Variants in GLIS1 observed in about 807,000 individuals in gnomAD.
The protein encoded by GLIS1 is GLIS family zinc finger 1.
GLIS1 carries 24 observed loss-of-function variants against 63.8 expected under a neutral mutation model. The ratio of observed to expected loss-of-function variants is 0.38; its 90% CI spans 0.27 to 0.53. The LOEUF is 0.53. Ranked by LOEUF, GLIS1 falls within the 20% of genes least tolerant of loss-of-function variation. The pLI is 0.85. For synonymous variants in GLIS1, 450 were observed against 482.5 expected, an observed-to-expected ratio of 0.93 and a Z score of 0.88; for missense variants, 1,036 against 1,074.1, an observed-to-expected ratio of 0.96 and a Z score of 0.50.
In GLIS1 at chr1:53,574,446, C is replaced by A. The variant is rs1475838615; in HGVS notation, c.1320+19662G>T. On this transcript the variant is annotated intron_variant, in intron 4 of 10. Coordinates refer to ENST00000628545, the MANE Select transcript of GLIS1 (RefSeq NM_001367484.1). This position sits in a 1 kb window ranked among gnomAD's most constrained non-coding sequence, Gnocchi z 4.2. ...GCCACAAGCAGCAGGGCCTCCCACG[C>A]AGTCTCCCCTGGGAGATTACCTGTA... 6.6e-6 allele frequency among the ~76,000 whole-genome samples: 1 copy of A among 152,230 alleles called. No individual in the cohort carries two copies. The highest frequency in any genetic ancestry group is 1.5e-5 in the Non-Finnish European group (1 of 68,040).
chr1:53,642,919 C>T lies in GLIS1; in HGVS notation c.260-42641G>A, dbSNP rs569549226. On this transcript the variant is annotated intron_variant, in intron 2 of 10. Coordinates refer to ENST00000628545, the MANE Select transcript of GLIS1 (RefSeq NM_001367484.1). The stretch of plus-strand genomic sequence containing the variant: ...CCCAGTGCCCAGTGCAGGCCTGGCA[C>T]CAAGTAGGCAATTCAGGAATTGTGA... Among the ~76,000 whole-genome samples the T allele has an allele frequency of 3.9e-5, 6 of 152,318 alleles. No individual in the cohort carries two copies. The East Asian group carries it at 1.2e-3, about 29-fold the overall frequency.
chr1:53,530,252 C>T (rs553422413), intron 4 of GLIS1, among the ~76,000 whole-genome samples: 122 of 152,218 alleles, frequency 8.0e-4, no homozygotes, highest in Non-Finnish European at 1.4e-3. Context: ...CATCTGGAAA[C>T]GAGGCACTTG....
intron 2 of GLIS1, among the ~76,000 whole-genome samples, chr1:53,711,265 G>A (rs1271116658): frequency 6.6e-6 from 1 of 152,170 alleles, no homozygotes; most frequent in Non-Finnish European, 1.5e-5. Flanking sequence ...CCACACCTGT[G>A]TGATCTTCCC....
intron 4 of GLIS1, among the ~76,000 whole-genome samples, chr1:53,591,471 C>T (rs889569229): frequency 6.6e-6 from 1 of 152,346 alleles, no homozygotes; most frequent in East Asian, 1.9e-4. Flanking sequence ...GATGTAGGCT[C>T]GAGTCCCATT....
chr1:53,550,419 A>G (rs1644746306), intron 4 of GLIS1, among the ~76,000 whole-genome samples: 1 of 152,228 alleles, frequency 6.6e-6, no homozygotes, highest in Non-Finnish European at 1.5e-5. Context: ...AGGGTTAGAC[A>G]TGACAGTGCG....
At chr1:53,654,469 C>A (rs1312739945) in intron 2 of GLIS1, among the ~76,000 whole-genome samples, 1 of 152,126 alleles carries the variant, frequency 6.6e-6, no homozygotes, top group African/African-American at 2.4e-5. Context: ...GGCAGACAGG[C>A]AAGTCTGAGT....
intron 2 of GLIS1, among the ~76,000 whole-genome samples, chr1:53,737,210 C>T (rs1646920636): frequency 6.6e-6 from 1 of 152,150 alleles, no homozygotes; most frequent in Admixed American, 6.5e-5. Context: ...AGGGACTTGC[C>T]AAGGAGCTTG....
chr1:53,599,477 T>C (rs1211534195), intron 3 of GLIS1, among the ~76,000 whole-genome samples: 1 of 152,270 alleles, frequency 6.6e-6, no homozygotes, highest in African/African-American at 2.4e-5. Flanking sequence ...ACCCTCAATA[T>C]TGGACTTAGC....
At chr1:53,691,108 C>A (rs555919920) in intron 2 of GLIS1, among the ~76,000 whole-genome samples, 2 of 152,306 alleles carry the variant, frequency 1.3e-5, no homozygotes, top group South Asian at 4.1e-4. Flanking sequence ...ATAATCCCAA[C>A]ACTTTGGGAG....
At chr1:53,692,507 TA>T (rs1646417113) in intron 2 of GLIS1, among the ~76,000 whole-genome samples, 1 of 152,256 alleles carries the variant, frequency 6.6e-6, no homozygotes, top group Non-Finnish European at 1.5e-5. Flanking sequence ...CCTACAGGGT[TA>T]CAGTAACCTT....
chr1:53,583,888 C>T (rs1021257102), intron 4 of GLIS1, among the ~76,000 whole-genome samples: 6 of 152,188 alleles, frequency 3.9e-5, no homozygotes, highest in Non-Finnish European at 8.8e-5. Flanking sequence ...ATATGCTTTT[C>T]CCATTTCCCA....
intron 2 of GLIS1, among the ~76,000 whole-genome samples, chr1:53,649,864 G>A (rs952140376): frequency 2.0e-5 from 3 of 152,076 alleles, no homozygotes; most frequent in Non-Finnish European, 2.9e-5. Context: ...TATGTTATCC[G>A]TAAGGCTTCT....
chr1:53,670,878 C>T (rs938189878), intron 2 of GLIS1, among the ~76,000 whole-genome samples: 1 of 152,146 alleles, frequency 6.6e-6, no homozygotes, highest in Non-Finnish European at 1.5e-5. Flanking sequence ...TTTGCCATAG[C>T]GAATGAAAAG....
At position 53,511,132 on chromosome 1, in the gene GLIS1, C is replaced by T. The variant is rs1644294338; in HGVS notation, c.1884-1105G>A. ...GGGGCTCTGGGGACAAGGCTGAAGG[C>T]TCCCAGCCTGTAAAGCATTTATGTA... On this transcript the variant is annotated intron_variant, in intron 8 of 10. Transcript: ENST00000628545. The surrounding 1 kb of genome is among the most constrained non-coding windows in gnomAD (Gnocchi z 4.2). 6.6e-6 allele frequency among the ~76,000 whole-genome samples: 1 copy of T among 152,200 alleles called. No individual in the cohort carries two copies. Among genetic ancestry groups the T allele is most frequent in the South Asian group, 2.1e-4 (1 of 4,824 alleles).
intron 2 of GLIS1, among the ~76,000 whole-genome samples, chr1:53,721,542 G>A (rs1485130593): frequency 6.6e-6 from 1 of 152,096 alleles, no homozygotes; most frequent in African/African-American, 2.4e-5. Flanking sequence ...TGCTACCCAG[G>A]TCCACACACC....
In GLIS1 at chr1:53,639,841, G is replaced by A. The variant is rs1325114090; in HGVS notation, c.260-39563C>T. Among the ~76,000 whole-genome samples, 1 of 152,172 alleles carries A rather than the reference G, an allele frequency of 6.6e-6. No individual in the cohort carries two copies. The highest frequency in any genetic ancestry group is 1.5e-5 in the Non-Finnish European group (1 of 68,028). ...CCCGAGGTTCTGCTTTGCCACTGAG[G>A]AAAGTAGGCAAATGTGGATGTTGTT... On this transcript the variant is annotated intron_variant, in intron 2 of 10. Coordinates refer to ENST00000628545, the MANE Select transcript of GLIS1 (RefSeq NM_001367484.1). The surrounding 1 kb of genome is among the most constrained non-coding windows in gnomAD (Gnocchi z 4.6).
chr1:53,604,879 C>A (rs898356667), intron 2 of GLIS1, among the ~76,000 whole-genome samples: 2 of 151,742 alleles, frequency 1.3e-5, no homozygotes, highest in African/African-American at 4.9e-5. Context: ...AACTACTCAA[C>A]TCTGCCCTTG....
chr1:53,654,603 G>A (rs998007769), intron 2 of GLIS1, among the ~76,000 whole-genome samples: 33 of 152,186 alleles, frequency 2.2e-4, no homozygotes, highest in African/African-American at 2.7e-4. Context: ...GAACCAGAAC[G>A]GGGACTGGGA....
intron 2 of GLIS1, among the ~76,000 whole-genome samples, chr1:53,697,523 C>T (rs995692998): frequency 7.9e-5 from 12 of 152,296 alleles, no homozygotes; most frequent in South Asian, 2.1e-4. Context: ...GTGAACATTC[C>T]TGGGACAGGT....
Sources: gnomAD v4.1 joint callset for allele counts (sites outside exome capture counted in the v4.1 genomes callset) on GRCh38, gnomAD v4.1.1 for gene constraint, Gnocchi (gnomAD v3.1) non-coding constraint, MANE v1.5 for transcripts, NCBI Gene and HGNC (gene_info 2026-07-23, HGNC 2026-07-21) for gene names.